Variants in CDH22 observed in about 807,000 individuals in gnomAD.
CDH22 encodes the protein cadherin-22.
Under a neutral mutation model 58.4 loss-of-function variants are expected in CDH22, and 30 were observed. The ratio of observed to expected loss-of-function variants is 0.51; its 90% confidence interval spans 0.38 to 0.70. CDH22 has a LOEUF of 0.70. CDH22 is among the 30% of genes least tolerant of loss of function. The pLI is 0.00. For synonymous variants in CDH22, 513 were observed against 558.2 expected (o/e 0.92, Z 1.14); for missense variants, 1,014 against 1,233.9 (o/e 0.82, Z 2.67).
intron 7 of CDH22, among the ~76,000 whole-genome samples, chr20:46,202,355 ATT>A (rs3082933): frequency 4.9e-5 from 7 of 141,734 alleles, no homozygotes; most frequent in Non-Finnish European, 6.2e-5. Flanking sequence ...CCAGAGTTTA[ATT>A]TTTTTTTTTT....
intron 11 of CDH22, among the ~76,000 whole-genome samples, chr20:46,177,184 C>T (rs1012142880): frequency 2.6e-5 from 4 of 152,184 alleles, no homozygotes; most frequent in African/African-American, 9.7e-5. Flanking sequence ...CTGACATCTC[C>T]CAGGGAGCAG....
At chr20:46,254,705 G>A (rs1262276349) in intron 1 of CDH22, among the ~76,000 whole-genome samples, 1 of 152,162 alleles carries the variant, frequency 6.6e-6, no homozygotes, top group East Asian at 1.9e-4. Context: ...GAAGTGGAGG[G>A]AGAATGATGG....
chr20:46,180,008 G>A (rs971239598), intron 10 of CDH22, among the ~76,000 whole-genome samples: 2 of 148,974 alleles, frequency 1.3e-5, no homozygotes, highest in Admixed American at 6.6e-5. Flanking sequence ...TCCTTTCTCC[G>A]CTTCCCTGGG....
intron 10 of CDH22, among the ~76,000 whole-genome samples, chr20:46,179,005 G>A (rs978592836): frequency 1.2e-4 from 19 of 152,230 alleles, no homozygotes; most frequent in African/African-American, 1.9e-4. Context: ...GCCTGTCACC[G>A]GGGAAGCCAG....
chr20:46,241,375 T>C lies in CDH22; in HGVS notation c.256-118A>G. On this transcript the variant is annotated intron_variant, in intron 2 of 11. Coordinates refer to ENST00000537909, the MANE Select transcript of CDH22 (RefSeq NM_021248.3). The surrounding 1 kb of genome is among the most constrained non-coding windows in gnomAD (Gnocchi z 5.2). ...CCATCTCTTCTCCAGCACATACACA[T>C]CTTTAGTGAGGACACTGAGGCCCAG... 1 of 868,974 alleles carries C rather than the reference T, an allele frequency of 1.2e-6. No individual in the cohort carries two copies. Among genetic ancestry groups the C allele is most frequent in the Non-Finnish European group, 1.7e-6 (1 of 577,474 alleles). The allele number at this position is 868,974 out of a possible 1,614,324, so 53.8% of individuals were successfully genotyped here. A position where few individuals can be genotyped will look rare whatever the true frequency, so the allele number is the denominator to read the frequency against.
rs74573089 is a variant in CDH22 at position 46,300,614 on chromosome 20, C to T, written c.-400+7641G>A. Among the ~76,000 whole-genome samples, 768 of 152,306 alleles carry T rather than the reference C, an allele frequency of 5.0e-3. 2 individuals are homozygous for T. The highest frequency in any genetic ancestry group is 0.014 in the Middle Eastern group (4 of 294). On this transcript the variant is annotated intron_variant, in intron 1 of 11. Coordinates refer to ENST00000537909, the MANE Select transcript of CDH22 (RefSeq NM_021248.3). The surrounding 1 kb of genome is among the most constrained non-coding windows in gnomAD (Gnocchi z 4.4). ...GGCGGGGCTTTCTGCTTTTTTGACT[C>T]GCAGAGGGGTCTGTGGTGTTAACAT...
chr20:46,291,578 T>C (rs2086603113), intron 1 of CDH22, among the ~76,000 whole-genome samples: 1 of 152,182 alleles, frequency 6.6e-6, no homozygotes, highest in Non-Finnish European at 1.5e-5. Flanking sequence ...ACATTCATGA[T>C]CTCATCACAC....
chr20:46,210,962 C>T lies in CDH22; in HGVS notation c.1033-402G>A, dbSNP rs1476803036. Among the ~76,000 whole-genome samples the T allele has an allele frequency of 6.6e-6, 1 of 152,194 alleles. No individual in the cohort carries two copies. Among genetic ancestry groups the T allele is most frequent in the African/African-American group, 2.4e-5 (1 of 41,450 alleles). On this transcript the variant is annotated intron_variant, in intron 6 of 11. Coordinates refer to ENST00000537909, the MANE Select transcript of CDH22 (RefSeq NM_021248.3). This position sits in a 1 kb window ranked among gnomAD's most constrained non-coding sequence, Gnocchi z 4.5. ...CTTGTATTCTTATGATCTGATCTTACACATGAGGAAAACGAGGCCCAGAAA... is the reference window on the plus strand; with the variant it reads ...CTTGTATTCTTATGATCTGATCTTATACATGAGGAAAACGAGGCCCAGAAA...
At chr20:46,283,431 G>A (rs574935220) in intron 1 of CDH22, among the ~76,000 whole-genome samples, 3 of 152,276 alleles carry the variant, frequency 2.0e-5, no homozygotes, top group Non-Finnish European at 4.4e-5. Flanking sequence ...TGCCCCCGGG[G>A]CTATGGTGAG....
intron 1 of CDH22, among the ~76,000 whole-genome samples, chr20:46,256,123 T>C (rs536861813): frequency 6.6e-6 from 1 of 152,312 alleles, no homozygotes; most frequent in South Asian, 2.1e-4. Context: ...GACGATCTGA[T>C]ATGCATTCCT....
chr20:46,187,008 T>C (rs1476060625), intron 8 of CDH22, 61 bp from the exon 9 acceptor site: 3 of 1,507,850 alleles, frequency 2.0e-6, no homozygotes, highest in African/African-American at 2.8e-5. Flanking sequence ...GATAGCCTCC[T>C]CTCTACTATG....
rs948182673 is a variant in CDH22, at chr20:46,173,841, T to A, written c.*665A>T. The stretch of plus-strand genomic sequence containing the variant: ...TTTTTAGCCTCACAACTCTTCGAGG[T>A]AGGTTCTGTTATTAACCCCATTTGA... On this transcript the variant is annotated 3_prime_UTR_variant, in exon 12 of 12. Transcript: ENST00000537909. 1 of 152,362 alleles carries A rather than the reference T, an allele frequency of 6.6e-6. No homozygotes were observed. Among genetic ancestry groups the A allele is most frequent in the Non-Finnish European group, 1.5e-5 (1 of 68,140 alleles). The allele number at this position is 152,362 out of a possible 1,614,324, so 9.4% of individuals were successfully genotyped here. A position where few individuals can be genotyped will look rare whatever the true frequency, so the allele number is the denominator to read the frequency against.
chr20:46,240,916 G>T (rs770993088), intron 3 of CDH22, 47 bp downstream of exon 3: 1 of 1,518,552 alleles, frequency 6.6e-7, no homozygotes, highest in Admixed American at 1.8e-5. Flanking sequence ...GGCTCCACTT[G>T]GGGATCACCT....
intron 1 of CDH22, among the ~76,000 whole-genome samples, chr20:46,292,125 G>A (rs1275162086): frequency 6.6e-6 from 1 of 152,212 alleles, no homozygotes; most frequent in Non-Finnish European, 1.5e-5. Flanking sequence ...CCTTACCCAA[G>A]GTCACTCAGA....
chr20:46,239,524 C>G (rs545630855), intron 3 of CDH22, among the ~76,000 whole-genome samples: 3 of 152,356 alleles, frequency 2.0e-5, no homozygotes, highest in African/African-American at 7.2e-5. Context: ...AGCAAGCTGC[C>G]AGATTTGGCC....
At chr20:46,226,524 C>T (rs549398298) in intron 4 of CDH22, among the ~76,000 whole-genome samples, 3 of 152,146 alleles carry the variant, frequency 2.0e-5, no homozygotes, top group African/African-American at 7.2e-5. Flanking sequence ...CTCAAGCAAT[C>T]CTCCCACCTT....
rs143379744 is a variant in CDH22 at position 46,241,132 on chromosome 20, G to A, written c.381C>T (p.Arg127=). The A allele has an allele frequency of 5.2e-5, 84 of 1,613,932 alleles. No individual in the cohort carries two copies. Among genetic ancestry groups the A allele is most frequent in the South Asian group, 2.9e-4 (26 of 91,088 alleles). Residue 127 remains arginine (R), a synonymous_variant, in exon 3 of 12, where the codon CGC becomes CGT. Transcript: ENST00000537909. This position sits in a 1 kb window ranked among gnomAD's most constrained non-coding sequence, Gnocchi z 5.2. ...GCAGCGTGTAGAAGGTTTTCTGCTC[G>A]CGGTCCAGGCGCTCCATGGCATGAA... ...GDIHAMERLD[R]EQKTFYTLRA... is the part of the protein sequence containing the mutation.
chr20:46,200,689 C>T (rs1197199476), intron 7 of CDH22, among the ~76,000 whole-genome samples: 1 of 152,146 alleles, frequency 6.6e-6, no homozygotes, highest in Non-Finnish European at 1.5e-5. Flanking sequence ...AAAGGCGCGG[C>T]GGCTGAGAAT....
chr20:46,223,557 C>T (rs1403019231), intron 4 of CDH22, among the ~76,000 whole-genome samples: 1 of 152,180 alleles, frequency 6.6e-6, no homozygotes, highest in East Asian at 1.9e-4. Flanking sequence ...ACCTTCACTG[C>T]ACTTGGTCTC....
Sources: allele counts gnomAD v4.1 joint callset (sites outside exome capture counted in the v4.1 genomes callset), GRCh38; gene constraint gnomAD v4.1.1; non-coding constraint Gnocchi (gnomAD v3.1); transcripts MANE v1.5; gene names NCBI Gene and HGNC (gene_info 2026-07-23, HGNC 2026-07-21).